The following CENPS variants were observed in gnomAD, a reference collection of about 807,000 sequenced individuals.
CENPS encodes the protein centromere protein S, also known as FANCM associated histone fold protein 1.
Under a neutral mutation model 17.9 loss-of-function variants are expected in CENPS, and 16 were observed. The ratio of observed to expected loss-of-function variants is 0.90; its 90% CI spans 0.61 to 1.36. The LOEUF (loss-of-function observed/expected upper bound fraction) is 1.36, where lower values mean the gene tolerates loss of function less well. Ranked by LOEUF, CENPS falls within the 40% of genes most tolerant of loss-of-function variation. CENPS has a pLI of 0.00. For missense variants in CENPS, 160 were observed against 158.6 expected (o/e 1.01, Z -0.05); for synonymous variants, 49 against 55.8 (o/e 0.88, Z 0.54).
At chr1:10,430,677 G>C in intron 1 of CENPS, 109 bp downstream of exon 1, 4 of 1,435,726 alleles carry the variant, frequency 2.8e-6, no homozygotes, top group Non-Finnish European at 3.7e-6. Context: ...CCCGCCCCCG[G>C]GCGCCCCCCG....
chr1:10,441,714 C>T (rs1215942589), intron 4 of CENPS, among the ~76,000 whole-genome samples: 1 of 149,296 alleles, frequency 6.7e-6, no homozygotes, highest in Non-Finnish European at 1.5e-5. Context: ...CAAACTCCGC[C>T]TCCTGGGTTC....
chr1:10,431,659 C>T (rs1311218748), intron 1 of CENPS, among the ~76,000 whole-genome samples: 1 of 151,998 alleles, frequency 6.6e-6, no homozygotes, highest in Admixed American at 6.6e-5. Context: ...AGTTCGAGAC[C>T]AGACTGGCCA....
intron 3 of CENPS, among the ~76,000 whole-genome samples, chr1:10,437,163 CT>C (rs529893602): frequency 6.6e-6 from 1 of 151,096 alleles, no homozygotes. Context: ...TTTCTTGTTT[CT>C]TTTTTTTTCT....
rs1640353765 is a variant in CENPS, at chr1:10,440,353, G to A, written c.216G>A (p.Ala72=). The part of the protein sequence containing the change: ...AKDLEMFARH[A]KRTTINTEDV... Reference sequence around the variant, plus strand: ...GCTTCTGCCCTTTCTGCAGACATGCGAAAAGAACCACAATTAACACTGAAG... The same window carrying A: ...GCTTCTGCCCTTTCTGCAGACATGCAAAAAGAACCACAATTAACACTGAAG... The change falls in exon 4 of 5, where the codon GCG becomes GCA. Residue 72 remains alanine (A), a synonymous_variant. Transcript: ENST00000309048. The A allele has an allele frequency of 5.0e-6, 8 of 1,613,302 alleles. No homozygotes were observed. The highest frequency in any genetic ancestry group is 2.7e-5 in the African/African-American group (2 of 74,880).
chr1:10,439,526 G>C (rs1640316907), intron 3 of CENPS, among the ~76,000 whole-genome samples: 1 of 152,086 alleles, frequency 6.6e-6, no homozygotes. Flanking sequence ...TGGATCATGA[G>C]GTGAGGAGTT....
Position 10,442,276 on chromosome 1 carries a change from C to A in CENPS, c.288C>A (p.Ile96=). 1 of 1,584,360 alleles carries A rather than the reference C, an allele frequency of 6.3e-7. No homozygotes were observed. The highest frequency in any genetic ancestry group is 8.5e-7 in the Non-Finnish European group (1 of 1,171,432). ...ARRSNSLLKY[I]TDKSEEIAQI... ...TTTTTTTTTTATAGCTAAAATACAT[C>A]ACAGACAAAAGTGAAGAGATTGCTC... is the stretch of plus-strand genomic sequence containing the variant. The change falls in exon 5 of 5, where the codon ATC becomes ATA. Residue 96 remains isoleucine (I), a synonymous_variant. Coordinates refer to ENST00000309048, the MANE Select transcript of CENPS (RefSeq NM_199294.3).
chr1:10,440,492 G>A, intron 4 of CENPS, 79 bp downstream of exon 4: 4 of 1,568,748 alleles, frequency 2.5e-6, no homozygotes, highest in Non-Finnish European at 3.5e-6. Flanking sequence ...AAGCCATGAA[G>A]TTATTCCCCA....
intron 4 of CENPS, among the ~76,000 whole-genome samples, chr1:10,441,234 C>G (rs1268298790): frequency 1.3e-5 from 2 of 150,016 alleles, no homozygotes; most frequent in African/African-American, 4.9e-5. Context: ...GTTGCCCAGG[C>G]TGGTCTTGAA....
At chr1:10,438,132 TTTTTGTTTTG>T (rs926942788) in intron 3 of CENPS, among the ~76,000 whole-genome samples, 4 of 151,958 alleles carry the variant, frequency 2.6e-5, no homozygotes, top group African/African-American at 7.3e-5. Flanking sequence ...CCAATCTGAA[TTTTTGTTTTG>T]TTTTGTTTTG....
At chr1:10,432,677 A>C (rs576606376) in intron 1 of CENPS, among the ~76,000 whole-genome samples, 47 of 152,080 alleles carry the variant, frequency 3.1e-4, no homozygotes, top group African/African-American at 1.1e-3. Flanking sequence ...AAATTCCTGG[A>C]GCCAAGAGCA....
rs1312718519 is a variant in CENPS, at chr1:10,430,542, G to A, written c.25G>A (p.Glu9Lys). The change falls in exon 1 of 5, where the codon GAG (glutamate) becomes AAG (lysine). Residue 9 changes from glutamate (E) to lysine (K), a missense_variant. Glu to Lys is a moderately conservative substitution (Grantham distance 56). Coordinates refer to ENST00000309048, the MANE Select transcript of CENPS (RefSeq NM_199294.3). ...GATGGAGGAGGAGGCGGAGACCGAG[G>A]AGCAGCAGCGATTCTCTTACCAACA... MEEEAETE[E>K]QQRFSYQQRL... The A allele has an allele frequency of 2.0e-6, 3 of 1,535,852 alleles. No homozygotes were observed. Among genetic ancestry groups the A allele is most frequent in the Middle Eastern group, 2.2e-4 (1 of 4,590 alleles).
At chr1:10,431,267 G>A (rs942313298) in intron 1 of CENPS, 5 of 1,534,948 alleles carry the variant, frequency 3.3e-6, no homozygotes, top group Non-Finnish European at 4.4e-6. Context: ...ACCTTAAAGA[G>A]GACGGACTGA....
At chr1:10,435,505 C>T (rs1261077540) in intron 3 of CENPS, among the ~76,000 whole-genome samples, 2 of 151,554 alleles carry the variant, frequency 1.3e-5, no homozygotes, top group Non-Finnish European at 2.9e-5. Flanking sequence ...CCCTGAAAAC[C>T]GCTTAGCATC....
rs776280391 is a variant in CENPS, at chr1:10,434,661, T to C, written c.180T>C (p.Asn60=). 4.4e-6 allele frequency: 7 copies of C among 1,606,416 alleles called. No homozygotes were observed. In the South Asian group the frequency reaches 6.7e-5, roughly 15 times the overall value. The change falls in exon 3 of 5, where the codon AAT becomes AAC. Residue 60 remains asparagine, a synonymous_variant. Transcript: ENST00000309048. ...ISELTFRQCE[N]FAKDLEMFAR... ...TATCTTTTTTTTCTCTTTCAGAAAA[T>C]TTTGCCAAAGACCTTGAAATGTTTG...
chr1:10,438,689 A>C (rs1640281438), intron 3 of CENPS, among the ~76,000 whole-genome samples: 1 of 152,108 alleles, frequency 6.6e-6, no homozygotes, highest in Non-Finnish European at 1.5e-5. Context: ...AGTGGCGGGC[A>C]GAGGATGCCC....
intron 1 of CENPS, 118 bp from the exon 2 acceptor site, chr1:10,433,724 A>G (rs1388229599): frequency 7.9e-6 from 12 of 1,515,030 alleles, no homozygotes; most frequent in Non-Finnish European, 8.8e-6. Context: ...CTCAGCCATT[A>G]TGGAAAGCGC....
chr1:10,432,253 A>T (rs1056713869), intron 1 of CENPS, among the ~76,000 whole-genome samples: 1 of 152,068 alleles, frequency 6.6e-6, no homozygotes, highest in Admixed American at 6.5e-5. Context: ...ACGCCCAGCT[A>T]ATTTTGTATG....
chr1:10,430,764 G>T, intron 1 of CENPS, 196 bp downstream of exon 1: 2 of 1,395,084 alleles, frequency 1.4e-6, no homozygotes, highest in Non-Finnish European at 1.9e-6. Context: ...CTGGACCCTG[G>T]CCTGCGCTGG....
At chr1:10,441,376 C>T (rs180728302) in intron 4 of CENPS, among the ~76,000 whole-genome samples, 145 of 139,758 alleles carry the variant, frequency 1.0e-3, no homozygotes, top group African/African-American at 3.5e-3. Context: ...AGGGCAGTGG[C>T]GCATCATTGC....
Sources: gnomAD v4.1 joint callset for allele counts (sites outside exome capture counted in the v4.1 genomes callset) on GRCh38, gnomAD v4.1.1 for gene constraint, MANE v1.5 for transcripts, NCBI Gene and HGNC (gene_info 2026-07-23, HGNC 2026-07-21) for gene names.